MARCHF11: variants seen among roughly 807,000 people sequenced by gnomAD.
MARCHF11 encodes the protein E3 ubiquitin-protein ligase MARCHF11.
In MARCHF11, 29 loss-of-function variants were observed where a neutral mutation model predicts 37.3. The observed-to-expected ratio is 0.78, with a 90% CI of 0.58 to 1.06. MARCHF11 has a LOEUF of 1.06. Among genes scored for constraint, MARCHF11 ranks in the 50% least tolerant of loss-of-function variants. The pLI is 0.00. For synonymous variants in MARCHF11, 233 were observed against 228.0 expected (o/e 1.02, Z -0.20); for missense variants, 482 against 533.4 (o/e 0.90, Z 0.95).
intron 2 of MARCHF11, among the ~76,000 whole-genome samples, chr5:16,137,055 A>C (rs1385094276): frequency 6.6e-6 from 1 of 152,228 alleles, no homozygotes; most frequent in Non-Finnish European, 1.5e-5. Context: ...CAAATAACAT[A>C]AAATATGGTT....
intron 3 of MARCHF11, among the ~76,000 whole-genome samples, chr5:16,087,944 GAATT>G (rs1379251269): frequency 7.9e-5 from 12 of 152,282 alleles, no homozygotes; most frequent in Admixed American, 7.8e-4. Flanking sequence ...CAGATTTTCA[GAATT>G]ATTTTTTCAA....
intron 2 of MARCHF11, among the ~76,000 whole-genome samples, chr5:16,108,897 T>A (rs1737090764): frequency 6.6e-6 from 1 of 152,178 alleles, no homozygotes; most frequent in Non-Finnish European, 1.5e-5. Flanking sequence ...TGCATGACTC[T>A]GCCTACGTTC....
At chr5:16,141,933 G>C (rs954293010) in intron 2 of MARCHF11, among the ~76,000 whole-genome samples, 1 of 152,144 alleles carries the variant, frequency 6.6e-6, no homozygotes, top group Non-Finnish European at 1.5e-5. Context: ...CTGCATTCGT[G>C]GGGGGATCTC....
rs1351017145 is a variant in MARCHF11 at position 16,067,833 on chromosome 5, T to C, written c.887-40A>G. Reference sequence around the variant, plus strand: ...AATAAAAAACCAAAAAGACTGGTGATAATCCAAGGCTGGGAGTGTTATTTT... The same window carrying C: ...AATAAAAAACCAAAAAGACTGGTGACAATCCAAGGCTGGGAGTGTTATTTT... On this transcript the variant is annotated intron_variant, in intron 3 of 3. Coordinates refer to ENST00000332432, the MANE Select transcript of MARCHF11 (RefSeq NM_001102562.3). The C allele has an allele frequency of 5.2e-6, 8 of 1,546,152 alleles. No homozygotes were observed. In the South Asian group the frequency reaches 7.1e-5, roughly 14 times the overall value.
At position 16,156,446 on chromosome 5, in the gene MARCHF11, T is replaced by A. The variant is rs572566262; in HGVS notation, c.693+21280A>T. On this transcript the variant is annotated intron_variant, in intron 2 of 3. Transcript: ENST00000332432. ...CTGCCTTTAATAGTGCCAATATTCA[T>A]GTAGTTCTTTATAACTATCCTAATC... Among the ~76,000 whole-genome samples, 5 of 152,072 alleles carry A rather than the reference T, an allele frequency of 3.3e-5. No individual in the cohort carries two copies. The East Asian group carries it at 9.7e-4, about 29-fold the overall frequency.
chr5:16,154,747 C>G (rs1737938705), intron 2 of MARCHF11, among the ~76,000 whole-genome samples: 1 of 152,026 alleles, frequency 6.6e-6, no homozygotes, highest in Non-Finnish European at 1.5e-5. Context: ...AAACAATGTT[C>G]AACCTCACTA....
At chr5:16,083,713 A>C (rs2126551490) in intron 3 of MARCHF11, among the ~76,000 whole-genome samples, 1 of 152,324 alleles carries the variant, frequency 6.6e-6, no homozygotes, top group Non-Finnish European at 1.5e-5. Context: ...GGGCATGAAA[A>C]ATTTTTTAAA....
intron 2 of MARCHF11, among the ~76,000 whole-genome samples, chr5:16,120,597 C>G (rs191239019): frequency 6.6e-6 from 1 of 152,248 alleles, no homozygotes; most frequent in Admixed American, 6.5e-5. Flanking sequence ...CCACCACTCT[C>G]TGACTTCATA....
intron 2 of MARCHF11, among the ~76,000 whole-genome samples, chr5:16,145,215 G>A (rs569221587): frequency 6.6e-6 from 1 of 152,138 alleles, no homozygotes; most frequent in East Asian, 1.9e-4. Context: ...AAGATGCTAT[G>A]GTTTGAATGT....
intron 2 of MARCHF11, among the ~76,000 whole-genome samples, chr5:16,094,362 G>A (rs1292687685): frequency 6.6e-6 from 1 of 152,120 alleles, no homozygotes; most frequent in Non-Finnish European, 1.5e-5. Context: ...TAAGTCTCGT[G>A]GGACTTCTCT....
At chr5:16,149,576 C>T (rs1365875236) in intron 2 of MARCHF11, among the ~76,000 whole-genome samples, 1 of 152,074 alleles carries the variant, frequency 6.6e-6, no homozygotes, top group Non-Finnish European at 1.5e-5. Context: ...TGTGTTCATG[C>T]CCTTGGCCAT....
At chr5:16,105,428 C>G (rs1202378049) in intron 2 of MARCHF11, among the ~76,000 whole-genome samples, 2 of 152,194 alleles carry the variant, frequency 1.3e-5, no homozygotes, top group Non-Finnish European at 2.9e-5. Flanking sequence ...GTTTTCCCAT[C>G]AATAAGGGTT....
chr5:16,118,356 G>A (rs146623860), intron 2 of MARCHF11, among the ~76,000 whole-genome samples: 1 of 152,298 alleles, frequency 6.6e-6, no homozygotes, highest in African/African-American at 2.4e-5. Flanking sequence ...ATGTGAGCAA[G>A]GGGGAAGTAG....
rs73752905 is a variant in MARCHF11, at chr5:16,169,603, C to T, written c.693+8123G>A. The stretch of plus-strand genomic sequence containing the variant: ...GTTCCTGTCATGTCTTATCATATAA[C>T]AGGTTCCAGTCCACCTCTTCTTACA... On this transcript the variant is annotated intron_variant, in intron 2 of 3. Coordinates refer to ENST00000332432, the MANE Select transcript of MARCHF11 (RefSeq NM_001102562.3). Among the ~76,000 whole-genome samples the T allele has an allele frequency of 4.7e-3, 711 of 152,210 alleles. 2 individuals carry two copies. The highest frequency in any genetic ancestry group is 0.013 in the African/African-American group (535 of 41,548).
chr5:16,149,032 A>G (rs567713349), intron 2 of MARCHF11, among the ~76,000 whole-genome samples: 38 of 152,260 alleles, frequency 2.5e-4, no homozygotes, highest in South Asian at 8.3e-4. Flanking sequence ...TGACTGGTCA[A>G]TCTGTAGAGA....
intron 2 of MARCHF11, among the ~76,000 whole-genome samples, chr5:16,133,891 C>T (rs576075427): frequency 3.3e-5 from 5 of 152,084 alleles, no homozygotes; most frequent in Admixed American, 2.0e-4. Context: ...TTGTGGCCCG[C>T]GGGCCATAGC....
At chr5:16,076,006 T>G (rs2126546044) in intron 3 of MARCHF11, among the ~76,000 whole-genome samples, 1 of 152,362 alleles carries the variant, frequency 6.6e-6, no homozygotes, top group Middle Eastern at 3.4e-3. Flanking sequence ...GATACTGGGC[T>G]GTGCCCAGGC....
chr5:16,140,715 T>G (rs1009387275), intron 2 of MARCHF11, among the ~76,000 whole-genome samples: 2 of 152,188 alleles, frequency 1.3e-5, no homozygotes, highest in Admixed American at 6.5e-5. Context: ...ACTAAATCTA[T>G]GCAAACAAAA....
At chr5:16,155,121 G>T (rs1737947991) in intron 2 of MARCHF11, among the ~76,000 whole-genome samples, 3 of 151,762 alleles carry the variant, frequency 2.0e-5, no homozygotes, top group African/African-American at 7.3e-5. Flanking sequence ...TCATTCTAAA[G>T]AATATAATGC....
Sources: allele counts gnomAD v4.1 joint callset (sites outside exome capture counted in the v4.1 genomes callset), GRCh38; gene constraint gnomAD v4.1.1; transcripts MANE v1.5; gene names NCBI Gene and HGNC (gene_info 2026-07-23, HGNC 2026-07-21).